LMNA: variants seen among roughly 807,000 people sequenced by gnomAD.
LMNA encodes the protein lamin A/C, also known as lamin.
Under a neutral mutation model 70.4 loss-of-function variants are expected in LMNA, and 20 were observed. That is an observed-to-expected ratio of 0.28 (90% CI 0.20 to 0.41). LMNA has a LOEUF of 0.41. Among genes scored for constraint, LMNA ranks in the 10% least tolerant of loss-of-function variants. LMNA has a pLI of 1.00. For synonymous variants in LMNA, 339 were observed against 372.8 expected, an observed-to-expected ratio of 0.91 and a Z score of 1.04; for missense variants, 652 against 917.2, an observed-to-expected ratio of 0.71 and a Z score of 3.73.
intron 1 of LMNA, among the ~76,000 whole-genome samples, chr1:156,118,068 C>T (rs558932047): frequency 6.6e-6 from 1 of 150,794 alleles, no homozygotes; most frequent in African/African-American, 2.4e-5. Context: ...AAGCAATCCT[C>T]CTGCCTCGGC....
chr1:156,089,117 A>G (rs1572309978), intron 2 of LMNA, among the ~76,000 whole-genome samples: 1 of 151,966 alleles, frequency 6.6e-6, no homozygotes, highest in East Asian at 1.9e-4. Context: ...TGTTTGGTCT[A>G]CAGGCATGCG....
In LMNA at chr1:156,138,870, G is replaced by A. The variant is rs564219786; in HGVS notation, c.1968+113G>A. 51 of 1,439,210 alleles carry A rather than the reference G, an allele frequency of 3.5e-5. No homozygotes were observed. The highest frequency in any genetic ancestry group is 4.6e-5 in the Non-Finnish European group (48 of 1,036,138). 89.2% of individuals were successfully genotyped at this position (1,439,210 alleles called of 1,614,324 possible). A position where few individuals can be genotyped will look rare whatever the true frequency, so the allele number is the denominator to read the frequency against. On this transcript the variant is annotated intron_variant, in intron 11 of 11. Coordinates refer to ENST00000368300, the MANE Select transcript of LMNA (RefSeq NM_170707.4). The surrounding 1 kb of genome is among the most constrained non-coding windows in gnomAD (Gnocchi z 5.5). ...GCCTGCCTTCTCTTCCGCAGCCCGG[G>A]GGAGTGGGAGCCTCCTCCCCACAGC...
At chr1:156,087,106 CTT>C (rs1648507799) in intron 2 of LMNA, among the ~76,000 whole-genome samples, 1 of 152,146 alleles carries the variant, frequency 6.6e-6, no homozygotes. Context: ...CCAAGGCTGC[CTT>C]ACCAAGCAGA....
Position 156,134,103 on chromosome 1 carries a change from A to G in LMNA, c.514-300A>G, listed in dbSNP as rs1159074744. Among the ~76,000 whole-genome samples, 5 of 151,866 alleles carry G rather than the reference A, an allele frequency of 3.3e-5. No homozygotes were observed. The highest frequency in any genetic ancestry group is 2.1e-4 in the South Asian group (1 of 4,806). ...GCGATCTCGGCTCACTGCAACCTCCACCTCCTGGATTCAAGCGATTCTTGT... is the reference window on the plus strand; with the variant it reads ...GCGATCTCGGCTCACTGCAACCTCCGCCTCCTGGATTCAAGCGATTCTTGT... On this transcript the variant is annotated intron_variant, in intron 2 of 11. Transcript: ENST00000368300. The surrounding 1 kb of genome is among the most constrained non-coding windows in gnomAD (Gnocchi z 5.3).
intron 3 of LMNA, among the ~76,000 whole-genome samples, chr1:156,108,564 A>G (rs1258116420): frequency 6.6e-6 from 1 of 152,166 alleles, no homozygotes; most frequent in Admixed American, 6.6e-5. Context: ...ACCTGAGGTC[A>G]GGAGTTACAT....
In LMNA at chr1:156,135,877, C is replaced by T. The variant is rs766680109; in HGVS notation, c.937-24C>T. 6.2e-6 allele frequency: 10 copies of T among 1,606,174 alleles called. No homozygotes were observed. The African/African-American group carries it at 1.2e-4, about 19-fold the overall frequency. On this transcript the variant is annotated intron_variant, in intron 5 of 11. Coordinates refer to ENST00000368300, the MANE Select transcript of LMNA (RefSeq NM_170707.4). This position sits in a 1 kb window ranked among gnomAD's most constrained non-coding sequence, Gnocchi z 4.8. ...CATACTTAGGGCCCTTGGGAGCTCA[C>T]CAAACCCTCCCACCCCCCTTCAGCT... is the stretch of plus-strand genomic sequence containing the variant.
chr1:156,129,637 T>C (rs1220633386), intron 1 of LMNA, among the ~76,000 whole-genome samples: 1 of 152,236 alleles, frequency 6.6e-6, no homozygotes, highest in Non-Finnish European at 1.5e-5. Flanking sequence ...TCTCTCACCC[T>C]ATATTTGTGA....
intron 3 of LMNA, among the ~76,000 whole-genome samples, chr1:156,097,983 C>T (rs932035241): frequency 1.2e-4 from 18 of 152,172 alleles, no homozygotes; most frequent in Non-Finnish European, 1.9e-4. Flanking sequence ...ATCATGTCTA[C>T]ACCACCCACC....
Position 156,139,588 on chromosome 1 carries a change from G to GGAGA in LMNA, c.*496_*499dup, listed in dbSNP as rs748490381. ...TCACTGCCAGGCCAGCCTCCGAGAG[G>GGAGA]GAGAGAGAGAGAGAGAGGACAGCTT... On this transcript the variant is annotated 3_prime_UTR_variant, in exon 12 of 12. Transcript: ENST00000368300. 6.5e-5 allele frequency: 88 copies of GGAGA among 1,348,614 alleles called. No homozygotes were observed. In the East Asian group the frequency reaches 1.3e-3, roughly 20 times the overall value. 83.5% of individuals were successfully genotyped at this position (1,348,614 alleles called of 1,614,324 possible).
At position 156,126,938 on chromosome 1, in the gene LMNA, A is replaced by G. The variant is rs749782291; in HGVS notation, c.357-3679A>G. 5.1e-6 allele frequency: 8 copies of G among 1,560,686 alleles called. No individual in the cohort carries two copies. The Admixed American group carries it at 7.8e-5, about 15-fold the overall frequency. Reference sequence around the variant, plus strand: ...CCTGTGAGCACTAGAGGATTTCCCGACCCCTGCCCGGGTATTGTGTGCCTG... The same window carrying G: ...CCTGTGAGCACTAGAGGATTTCCCGGCCCCTGCCCGGGTATTGTGTGCCTG... On this transcript the variant is annotated intron_variant, in intron 1 of 11. Coordinates refer to ENST00000368300, the MANE Select transcript of LMNA (RefSeq NM_170707.4).
intron 1 of LMNA, chr1:156,126,844 G>T: frequency 6.2e-7 from 1 of 1,612,118 alleles, no homozygotes; most frequent in Non-Finnish European, 8.5e-7. Context: ...AGGATGCAAG[G>T]GAAAGGACTG....
Position 156,103,083 on chromosome 1 carries a change from G to A in LMNA, c.-206-11630G>A, listed in dbSNP as rs970905029. ...CCCTCATCTATCCTTGCCTCAAGGT[G>A]GACCCATGGGGGCTGCAGCTGAGCT... On this transcript the variant is annotated intron_variant, in intron 3 of 12. Coordinates refer to the LMNA transcript ENST00000368301. The surrounding 1 kb of genome is among the most constrained non-coding windows in gnomAD (Gnocchi z 4.7). 2.0e-5 allele frequency among the ~76,000 whole-genome samples: 3 copies of A among 152,314 alleles called. No individual in the cohort carries two copies. The highest frequency in any genetic ancestry group is 7.2e-5 in the African/African-American group (3 of 41,578).
intron 1 of LMNA, among the ~76,000 whole-genome samples, chr1:156,125,605 CT>C (rs2102847471): frequency 6.6e-6 from 1 of 152,238 alleles, no homozygotes; most frequent in Non-Finnish European, 1.5e-5. Context: ...ACAAGAATTG[CT>C]TGAACCTGGG....
upstream of LMNA, among the ~76,000 whole-genome samples, chr1:156,110,493 C>T (rs183848447): frequency 1.4e-3 from 213 of 152,318 alleles, no homozygotes; most frequent in African/African-American, 4.7e-3. Flanking sequence ...GCTGGAAAAA[C>T]TTGTCCAGAG....
Position 156,114,781 on chromosome 1 carries a change from T to C in LMNA, c.-138T>C, listed in dbSNP as rs886045359. ...GAGGTCCGACAGCGCCCGGCCCAGATCCCCACGCCTGCCAGGAGCAAGCCG... is the reference window on the plus strand; with the variant it reads ...GAGGTCCGACAGCGCCCGGCCCAGACCCCCACGCCTGCCAGGAGCAAGCCG... On this transcript the variant is annotated 5_prime_UTR_variant, in exon 1 of 12. Transcript: ENST00000368300. The C allele has an allele frequency of 7.2e-5, 46 of 641,150 alleles. No homozygotes were observed. In the East Asian group the frequency reaches 1.2e-3, roughly 17 times the overall value. The allele number at this position is 641,150 out of a possible 1,614,324, so 39.7% of individuals were successfully genotyped here. A position where few individuals can be genotyped will look rare whatever the true frequency, so the allele number is the denominator to read the frequency against.
chr1:156,121,506 G>A (rs1650186142), intron 1 of LMNA, among the ~76,000 whole-genome samples: 1 of 152,094 alleles, frequency 6.6e-6, no homozygotes, highest in African/African-American at 2.4e-5. Flanking sequence ...CTGGCCTCCA[G>A]GAGTCTGAGA....
At chr1:156,105,258 TG>T (rs771935243) in intron 3 of LMNA, among the ~76,000 whole-genome samples, 32 of 152,174 alleles carry the variant, frequency 2.1e-4, no homozygotes, top group Non-Finnish European at 3.8e-4. Context: ...TGGACTAATG[TG>T]GATCTAGAAG....
intron 3 of LMNA, among the ~76,000 whole-genome samples, chr1:156,102,553 C>T (rs1472524734): frequency 1.3e-5 from 2 of 152,148 alleles, no homozygotes; most frequent in African/African-American, 4.8e-5. Flanking sequence ...TGAATTTTCC[C>T]CCACCCGAGG....
At position 156,139,908 on chromosome 1, in the gene LMNA, A is replaced by G. The variant is rs1001024790; in HGVS notation, c.*802A>G. The G allele has an allele frequency of 5.2e-5, 71 of 1,354,602 alleles. No individual in the cohort carries two copies. In the East Asian group the frequency reaches 2.0e-3, roughly 38 times the overall value. The allele number at this position is 1,354,602 out of a possible 1,614,324, so 83.9% of individuals were successfully genotyped here. A position where few individuals can be genotyped will look rare whatever the true frequency, so the allele number is the denominator to read the frequency against. On this transcript the variant is annotated 3_prime_UTR_variant, in exon 12 of 12. Transcript: ENST00000368300. ...GCCAAGTGGGGTGCTGGGAGGAGGGAGAGGGAGGTCACTGGAAAGGGGAGA... is the reference window on the plus strand; with the variant it reads ...GCCAAGTGGGGTGCTGGGAGGAGGGGGAGGGAGGTCACTGGAAAGGGGAGA...
Sources: gnomAD v4.1 joint callset for allele counts (sites outside exome capture counted in the v4.1 genomes callset) on GRCh38, gnomAD v4.1.1 for gene constraint, Gnocchi (gnomAD v3.1) non-coding constraint, MANE v1.5 for transcripts, NCBI Gene and HGNC (gene_info 2026-07-23, HGNC 2026-07-21) for gene names.